The following DKK3 variants were observed in gnomAD, a reference collection of about 807,000 sequenced individuals.
DKK3 encodes the protein dickkopf-related protein 3.
A neutral mutation model predicts 33.2 loss-of-function variants in DKK3; 22 were observed. The ratio of observed to expected loss-of-function variants is 0.66; its 90% CI spans 0.47 to 0.95. The LOEUF is 0.95. Among genes scored for constraint, DKK3 ranks in the 40% least tolerant of loss-of-function variants. The probability of loss-of-function intolerance (pLI) is 0.00; values close to 1 mark genes in which losing one functional copy is unlikely to be tolerated. For missense variants in DKK3, 398 were observed against 458.4 expected (o/e 0.87, Z 1.20); for synonymous variants, 194 against 188.8 (o/e 1.03, Z -0.23).
intron 2 of DKK3, among the ~76,000 whole-genome samples, chr11:11,999,030 G>A (rs944898619): frequency 2.0e-5 from 3 of 152,100 alleles, no homozygotes; most frequent in Admixed American, 6.5e-5. Context: ...GAGGGGATCC[G>A]GAGAAATCAC....
At chr11:11,983,946 G>T (rs1355378252) in intron 3 of DKK3, among the ~76,000 whole-genome samples, 1 of 152,210 alleles carries the variant, frequency 6.6e-6, no homozygotes, top group Non-Finnish European at 1.5e-5. Context: ...ATGATTCGAG[G>T]AACCTCAAGG....
chr11:11,997,428 C>T (rs959627307), intron 3 of DKK3, among the ~76,000 whole-genome samples: 2 of 152,140 alleles, frequency 1.3e-5, no homozygotes, highest in East Asian at 1.9e-4. Context: ...GTTTTTGTTT[C>T]GCTTTCTTCT....
In DKK3 at chr11:11,976,178, G is replaced by C. The variant is rs138623712; in HGVS notation, c.436-7691C>G. On this transcript the variant is annotated intron_variant, in intron 3 of 6. Transcript: ENST00000683431. Reference sequence around the variant, plus strand: ...TCTACTGAAAAGGCCCAGAACATCAGGCTTGAGCCAGTGCCCTTCCCATTA... The same window carrying C: ...TCTACTGAAAAGGCCCAGAACATCACGCTTGAGCCAGTGCCCTTCCCATTA... Among the ~76,000 whole-genome samples the C allele has an allele frequency of 1.8e-3, 277 of 152,294 alleles. 2 individuals carry two copies. Among genetic ancestry groups the C allele is most frequent in the African/African-American group, 6.4e-3 (266 of 41,566 alleles).
intron 3 of DKK3, among the ~76,000 whole-genome samples, chr11:11,982,273 CCCTCCT>C (rs59987455): frequency 0.16 from 24,272 of 151,832 alleles, 2,128 homozygotes; most frequent in South Asian, 0.25. Context: ...TCATAACAAG[CCCTCCT>C]AGGGGAGATG....
chr11:11,979,619 C>T (rs1246078506), intron 3 of DKK3: 1 of 152,432 alleles, frequency 6.6e-6, no homozygotes, highest in African/African-American at 2.4e-5. Flanking sequence ...GGCTCACTGT[C>T]CTGGGGTTTC....
chr11:11,970,058 G>A (rs1230769759), intron 3 of DKK3, among the ~76,000 whole-genome samples: 2 of 152,178 alleles, frequency 1.3e-5, no homozygotes, highest in Non-Finnish European at 2.9e-5. Context: ...ACGCTCTTGT[G>A]CACAGACACA....
intron 3 of DKK3, among the ~76,000 whole-genome samples, chr11:11,989,084 C>G (rs1848133845): frequency 6.6e-6 from 1 of 152,336 alleles, no homozygotes; most frequent in Non-Finnish European, 1.5e-5. Context: ...AAACTTCTAC[C>G]TTGTGCCCTG....
At chr11:11,979,605 T>A (rs1278659946) in intron 3 of DKK3, 1 of 152,394 alleles carries the variant, frequency 6.6e-6, no homozygotes, top group Admixed American at 6.5e-5. Flanking sequence ...CTCTGGTGGT[T>A]TGGGGCTCAC....
At chr11:12,004,523 C>A (rs930612905) in intron 1 of DKK3, among the ~76,000 whole-genome samples, 8 of 152,134 alleles carry the variant, frequency 5.3e-5, no homozygotes, top group African/African-American at 1.9e-4. Flanking sequence ...TCATTGCCTG[C>A]AGCATCCTCG....
At chr11:11,978,437 CCTCT>C (rs1847883040) in intron 3 of DKK3, among the ~76,000 whole-genome samples, 1 of 151,796 alleles carries the variant, frequency 6.6e-6, no homozygotes, top group African/African-American at 2.4e-5. Flanking sequence ...TCTTCTTCTT[CCTCT>C]TCCTCTTCTT....
At chr11:11,966,246 A>T (rs1355419131) in intron 5 of DKK3, among the ~76,000 whole-genome samples, 1 of 152,218 alleles carries the variant, frequency 6.6e-6, no homozygotes, top group African/African-American at 2.4e-5. Flanking sequence ...AGGCAAAGGC[A>T]TTCAGGCACA....
intron 3 of DKK3, among the ~76,000 whole-genome samples, chr11:11,994,195 G>A (rs1848244781): frequency 6.6e-6 from 1 of 152,030 alleles, no homozygotes; most frequent in African/African-American, 2.4e-5. Context: ...TAAAGTTGCT[G>A]GGAACCAGCA....
intron 3 of DKK3, among the ~76,000 whole-genome samples, chr11:11,989,896 T>C (rs1045593748): frequency 1.3e-5 from 2 of 152,172 alleles, no homozygotes; most frequent in East Asian, 3.9e-4. Context: ...ATCTGTAAAA[T>C]GGGGTCAACT....
In DKK3 at chr11:12,000,614, C is replaced by T. The variant is rs1848405514; in HGVS notation, c.351+1686G>A. ...TCTGCTTCCAGGTTCAAGTGATTCT[C>T]CTACCTCAGTTTCCCAAGTCGCTGG... On this transcript the variant is annotated intron_variant, in intron 2 of 6. Coordinates refer to ENST00000683431, the MANE Select transcript of DKK3 (RefSeq NM_001018057.2). 2.0e-5 allele frequency among the ~76,000 whole-genome samples: 3 copies of T among 151,974 alleles called. No individual in the cohort carries two copies. The South Asian group carries it at 6.2e-4, about 32-fold the overall frequency.
intron 1 of DKK3, among the ~76,000 whole-genome samples, chr11:12,004,373 G>A (rs1848495484): frequency 6.6e-6 from 1 of 152,332 alleles, no homozygotes; most frequent in South Asian, 2.1e-4. Context: ...AGATCAGAAA[G>A]AGAGGGGAGT....
At chr11:12,008,631 A>C (rs2133343627), upstream of DKK3, 1 of 1,320,706 alleles carries the variant, frequency 7.6e-7, no homozygotes. The surrounding 1 kb of genome is among the most constrained non-coding windows in gnomAD (Gnocchi z 4.6). Context: ...GAACGCGATC[A>C]GAGGCGCGCG....
upstream of DKK3, chr11:12,008,648 C>G (rs1320877013): frequency 2.3e-6 from 3 of 1,277,478 alleles, no homozygotes; most frequent in Non-Finnish European, 2.9e-6. The surrounding 1 kb of genome is among the most constrained non-coding windows in gnomAD (Gnocchi z 4.6). Context: ...CGCGGACCAC[C>G]CCCCTCGCTG....
intron 6 of DKK3, among the ~76,000 whole-genome samples, chr11:11,965,256 G>A (rs112432386): frequency 0.019 from 2,830 of 152,322 alleles, 67 homozygotes; most frequent in African/African-American, 0.054. Flanking sequence ...GCACAGAGCC[G>A]TGGGGAATGG....
intron 1 of DKK3, among the ~76,000 whole-genome samples, chr11:12,002,957 A>G (rs1293121374): frequency 1.3e-5 from 2 of 152,228 alleles, no homozygotes; most frequent in Non-Finnish European, 2.9e-5. Context: ...CCTAGCAATG[A>G]AAGTCAGGCT....
Sources: gnomAD v4.1 joint callset for allele counts (sites outside exome capture counted in the v4.1 genomes callset) on GRCh38, gnomAD v4.1.1 for gene constraint, Gnocchi (gnomAD v3.1) non-coding constraint, MANE v1.5 for transcripts, NCBI Gene and HGNC (gene_info 2026-07-23, HGNC 2026-07-21) for gene names.